Variants in TRIM66 observed in about 807,000 individuals in gnomAD.
TRIM66 encodes the protein tripartite motif containing 66.
Under a neutral mutation model 148.2 loss-of-function variants are expected in TRIM66, and 99 were observed. The observed-to-expected ratio is 0.67, with a 90% CI of 0.57 to 0.79. TRIM66 has a LOEUF of 0.79. TRIM66 is among the 30% of genes least tolerant of loss of function. The probability of loss-of-function intolerance (pLI) is 0.00; values close to 1 mark genes in which losing one functional copy is unlikely to be tolerated. For synonymous variants in TRIM66, 616 were observed against 635.9 expected, an observed-to-expected ratio of 0.97 and a Z score of 0.47; for missense variants, 1,666 against 1,697.9, an observed-to-expected ratio of 0.98 and a Z score of 0.33.
At chr11:8,646,292 C>T (rs946594317) in intron 11 of TRIM66, among the ~76,000 whole-genome samples, 155 bp downstream of exon 11, 1 of 152,026 alleles carries the variant, frequency 6.6e-6, no homozygotes, top group African/African-American at 2.4e-5. Flanking sequence ...GCCACCCTCC[C>T]AAAATTAGGC....
intron 7 of TRIM66, 53 bp downstream of exon 7, chr11:8,651,747 G>C (rs1292983370): frequency 1.5e-6 from 2 of 1,360,230 alleles, no homozygotes; most frequent in Non-Finnish European, 2.1e-6. Flanking sequence ...ATGGACAGGG[G>C]CCTCACAGAT....
intron 6 of TRIM66, among the ~76,000 whole-genome samples, chr11:8,669,481 T>A (rs1392843770): frequency 1.3e-5 from 2 of 152,040 alleles, no homozygotes; most frequent in East Asian, 1.9e-4. Flanking sequence ...CTGTCTCTAC[T>A]AAAAATACAA....
chr11:8,677,209 G>A (rs1006859096), intron 3 of TRIM66, among the ~76,000 whole-genome samples: 9 of 152,070 alleles, frequency 5.9e-5, no homozygotes, highest in African/African-American at 2.2e-4. Context: ...GAAATAGTAG[G>A]TAATGAGAGT....
chr11:8,648,045 A>G lies in TRIM66; in HGVS notation c.767T>C (p.Leu256Pro). The change falls in exon 10 of 25, where the codon CTT (leucine) becomes CCT (proline). Residue 256 changes from leucine to proline, a missense_variant. By Grantham distance (98) the Leu-to-Pro change is moderately conservative (BLOSUM62 -3). Transcript: ENST00000646038. Reference protein sequence around the residue: ...VEEVLQNQRMLLEGVTTQVAH... With the variant: ...VEEVLQNQRMPLEGVTTQVAH... Reference sequence around the variant, plus strand: ...CACCTGTGTAGTCACACCTTCCAGAAGCATCCTCTGGTTTTGCAAAACTTC... The same window carrying G: ...CACCTGTGTAGTCACACCTTCCAGAGGCATCCTCTGGTTTTGCAAAACTTC... The G allele has an allele frequency of 1.9e-6, 3 of 1,551,742 alleles. No individual in the cohort carries two copies. In the South Asian group the frequency reaches 3.6e-5, roughly 18 times the overall value.
At chr11:8,627,465 A>G (rs955674135) in intron 15 of TRIM66, among the ~76,000 whole-genome samples, 2 of 152,226 alleles carry the variant, frequency 1.3e-5, no homozygotes, top group African/African-American at 4.8e-5. Context: ...CACAATAACC[A>G]TTAAAGGTTA....
chr11:8,637,322 ATAT>A (rs2035967869), intron 15 of TRIM66, among the ~76,000 whole-genome samples: 1 of 264 alleles, frequency 3.8e-3, no homozygotes, highest in South Asian at 0.25. Flanking sequence ...CATTTAATGC[ATAT>A]ATATATATAT....
chr11:8,636,409 A>G (rs1314119573), intron 15 of TRIM66, among the ~76,000 whole-genome samples: 2 of 152,176 alleles, frequency 1.3e-5, no homozygotes, highest in Non-Finnish European at 2.9e-5. Flanking sequence ...CTTCTGAACT[A>G]CTGACATCTA....
chr11:8,619,276 C>A, intron 23 of TRIM66, 107 bp downstream of exon 23: 3 of 1,303,498 alleles, frequency 2.3e-6, no homozygotes, highest in Admixed American at 2.9e-5. Flanking sequence ...ATCTGCTCCC[C>A]AGTCCTCATG....
intron 6 of TRIM66, among the ~76,000 whole-genome samples, chr11:8,668,709 C>T (rs1031508394): frequency 2.0e-5 from 3 of 152,082 alleles, no homozygotes; most frequent in Admixed American, 2.0e-4. Flanking sequence ...CCTCAGCCTC[C>T]CGAGTAGCTG....
chr11:8,635,531 C>A (rs1020521139), intron 15 of TRIM66, among the ~76,000 whole-genome samples: 1 of 152,168 alleles, frequency 6.6e-6, no homozygotes, highest in African/African-American at 2.4e-5. Context: ...CAGTGGCTCT[C>A]ACTGTCAGGG....
Position 8,681,884 on chromosome 11 carries a change from T to C in TRIM66, c.-548+717A>G, listed in dbSNP as rs114328093. Reference sequence around the variant, plus strand: ...CCAGGAAAGGGTCACAGGCGTGTTATGTAGATTCTGGAGAAAATTCAAAAA... The same window carrying C: ...CCAGGAAAGGGTCACAGGCGTGTTACGTAGATTCTGGAGAAAATTCAAAAA... On this transcript the variant is annotated intron_variant, in intron 1 of 24. Transcript: ENST00000646038. Among the ~76,000 whole-genome samples, 1,463 of 152,260 alleles carry C rather than the reference T, an allele frequency of 9.6e-3. 27 individuals are homozygous for C. Among genetic ancestry groups the C allele is most frequent in the African/African-American group, 0.034 (1,414 of 41,536 alleles).
intron 6 of TRIM66, among the ~76,000 whole-genome samples, chr11:8,660,420 C>T (rs2038165530): frequency 6.6e-6 from 1 of 152,184 alleles, no homozygotes. Flanking sequence ...CCTACAGATT[C>T]AAACCACCCA....
Position 8,621,284 on chromosome 11 carries a change from G to A in TRIM66, c.3293C>T (p.Pro1098Leu), listed in dbSNP as rs761475826. 1.4e-5 allele frequency: 22 copies of A among 1,551,652 alleles called. No homozygotes were observed. Among genetic ancestry groups the A allele is most frequent in the Non-Finnish European group, 1.9e-5 (22 of 1,146,978 alleles). The part of the protein sequence containing the change: ...QDRLSEATQA[P>L]GLEGRKVTVT... ...AGTGACCTTTCTTCCCTCCAGACCT[G>A]GGGCCTGGGTGGCCTCAGACAGTCT... Residue 1098 changes from proline to leucine, a missense_variant, in exon 20 of 25, where the codon CCA becomes CTA. By Grantham distance (98) the Pro-to-Leu change is moderately conservative. Transcript: ENST00000646038.
chr11:8,625,099 C>T lies in TRIM66; in HGVS notation c.2440G>A (p.Ala814Thr). Residue 814 changes from alanine (A) to threonine (T), a missense_variant, in exon 16 of 25, where the codon GCA (alanine) becomes ACA (threonine). Around this residue, in one of 3 missense-constraint regions of TRIM66, gnomAD observed 1,431 missense variants for 1,412.4 expected, o/e 1.01. Coordinates refer to ENST00000646038, the MANE Select transcript of TRIM66 (RefSeq NM_001388022.1). ...GGAGCACTCAGCAGGCTTGGTACTG[C>T]CTGGGGGGCACCAGCTGTCAGGTTG... ...VSNLTAGAPQ[A>T]VPSLLSAPPK... 6.4e-7 allele frequency: 1 copy of T among 1,551,682 alleles called. No individual in the cohort carries two copies. Among genetic ancestry groups the T allele is most frequent in the Non-Finnish European group, 8.7e-7 (1 of 1,146,976 alleles).
intron 6 of TRIM66, among the ~76,000 whole-genome samples, chr11:8,670,022 T>A (rs1253030912): frequency 1.3e-5 from 2 of 150,570 alleles, no homozygotes; most frequent in Non-Finnish European, 3.0e-5. Context: ...TATTTATTTT[T>A]TTTTTTTTGA....
At chr11:8,622,338 CAACACA>C (rs1480825571) in intron 18 of TRIM66, among the ~76,000 whole-genome samples, 2 of 48,424 alleles carry the variant, frequency 4.1e-5, no homozygotes, top group African/African-American at 1.4e-4. Flanking sequence ...CACACACACA[CAACACA>C]CACACACACA....
At chr11:8,628,545 T>G (rs1345221828) in intron 15 of TRIM66, among the ~76,000 whole-genome samples, 1 of 144,074 alleles carries the variant, frequency 6.9e-6, no homozygotes, top group South Asian at 2.2e-4. Flanking sequence ...CCCGGAAGGT[T>G]GAGACTGCAG....
At chr11:8,631,441 G>T (rs1250579851) in intron 15 of TRIM66, among the ~76,000 whole-genome samples, 1 of 152,152 alleles carries the variant, frequency 6.6e-6, no homozygotes, top group Non-Finnish European at 1.5e-5. Context: ...TTTCAAATGG[G>T]AGTACTTCTA....
chr11:8,638,776 C>G lies in TRIM66; in HGVS notation c.2188G>C (p.Ala730Pro), dbSNP rs1473293183. ...EPPASQGSKP[A>P]LPLDKNTAAA... ...GCAGTATTCTTGTCAAGAGGGAGAGCCGGCTTTGAGCCCTGAGATGCTGGG... is the reference window on the plus strand; with the variant it reads ...GCAGTATTCTTGTCAAGAGGGAGAGGCGGCTTTGAGCCCTGAGATGCTGGG... Residue 730 changes from alanine (A) to proline (P), a missense_variant, in exon 15 of 25, where the codon GCT (alanine) becomes CCT (proline). Coordinates refer to ENST00000646038, the MANE Select transcript of TRIM66 (RefSeq NM_001388022.1). 1 of 1,550,994 alleles carries G rather than the reference C, an allele frequency of 6.4e-7. No homozygotes were observed. Among genetic ancestry groups the G allele is most frequent in the African/African-American group, 1.4e-5 (1 of 72,964 alleles).
Sources: allele counts gnomAD v4.1 joint callset (sites outside exome capture counted in the v4.1 genomes callset), GRCh38; gene constraint gnomAD v4.1.1; regional missense constraint gnomAD v4.1.1; transcripts MANE v1.5; gene names NCBI Gene and HGNC (gene_info 2026-07-23, HGNC 2026-07-21).